Variants in HDAC8 observed in about 807,000 individuals in gnomAD.
HDAC8 encodes histone deacetylase 8.
Under a neutral mutation model 32.2 loss-of-function variants are expected in HDAC8, and 1 was observed. That is an observed-to-expected ratio of 0.03 (90% confidence interval 0.01 to 0.15). HDAC8 has a LOEUF of 0.15. Among genes scored for constraint, HDAC8 ranks in the 10% least tolerant of loss-of-function variants. The pLI, the probability that HDAC8 is intolerant of heterozygous loss-of-function variation, is 1.00. For synonymous variants in HDAC8, 108 were observed against 113.9 expected (o/e 0.95, Z 0.33); for missense variants, 117 against 300.0 (o/e 0.39, Z 4.51).
chrX:72,536,769 C>T (rs1418427386), intron 4 of HDAC8, among the ~76,000 whole-genome samples: 1 of 111,836 alleles, frequency 8.9e-6, no homozygotes, highest in African/African-American at 3.3e-5. Context: ...CTCTGGTACA[C>T]CTACACTTGC....
chrX:72,382,644 G>T lies in HDAC8; in HGVS notation c.1006-30806C>A, dbSNP rs782605212. Among the ~76,000 whole-genome samples the T allele has an allele frequency of 6.2e-5, 7 of 112,302 alleles. No homozygotes were observed. In the South Asian group the frequency reaches 2.6e-3, roughly 41 times the overall value. On this transcript the variant is annotated intron_variant, in intron 9 of 10. Transcript: ENST00000373573. Reference sequence around the variant, plus strand: ...TAAATGAAAGAAGCCAGTGATAAAAGACCACATATTGCAGGATTCCATTCA... The same window carrying T: ...TAAATGAAAGAAGCCAGTGATAAAATACCACATATTGCAGGATTCCATTCA...
chrX:72,424,326 G>C (rs2046570877), intron 9 of HDAC8, among the ~76,000 whole-genome samples: 1 of 111,295 alleles, frequency 9.0e-6, no homozygotes, highest in African/African-American at 3.3e-5. Flanking sequence ...TGGGCAACCA[G>C]TGGGCCCTGT....
intron 4 of HDAC8, among the ~76,000 whole-genome samples, chrX:72,505,848 G>A (rs60840457): frequency 0.015 from 1,664 of 111,236 alleles, 26 homozygotes; most frequent in African/African-American, 0.04. Flanking sequence ...GCACCTACTT[G>A]TAAATCAAAC....
intron 4 of HDAC8, among the ~76,000 whole-genome samples, chrX:72,527,772 C>CTTT (rs1157041190): frequency 2.2e-5 from 2 of 89,528 alleles, no homozygotes; most frequent in Non-Finnish European, 4.5e-5. Flanking sequence ...TTTCTGACCT[C>CTTT]TTTTTTTTTT....
At chrX:72,463,847 A>T (rs1298053414) in intron 8 of HDAC8, among the ~76,000 whole-genome samples, 5 of 112,059 alleles carry the variant, frequency 4.5e-5, no homozygotes, top group African/African-American at 1.6e-4. Flanking sequence ...TTATTTTAAC[A>T]CACCAATCTA....
intron 4 of HDAC8, among the ~76,000 whole-genome samples, chrX:72,550,466 TC>T (rs1485906205): frequency 9.0e-6 from 1 of 110,785 alleles, no homozygotes; most frequent in East Asian, 2.8e-4. Flanking sequence ...ATGTTCACAG[TC>T]ATTCTACTCT....
chrX:72,517,437 A>G (rs893730569), intron 4 of HDAC8, among the ~76,000 whole-genome samples: 2 of 111,141 alleles, frequency 1.8e-5, no homozygotes, highest in Non-Finnish European at 3.8e-5. Flanking sequence ...TTTAGTTTTG[A>G]TGGTCAATTT....
chrX:72,511,745 ACAC>A (rs1410494748), intron 4 of HDAC8, among the ~76,000 whole-genome samples: 1 of 112,172 alleles, frequency 8.9e-6, no homozygotes, highest in Non-Finnish European at 1.9e-5. Context: ...AATTTTTGAC[ACAC>A]AACAAAAACA....
At chrX:72,545,108 G>A (rs2050820992) in intron 4 of HDAC8, among the ~76,000 whole-genome samples, 1 of 111,967 alleles carries the variant, frequency 8.9e-6, no homozygotes, top group African/African-American at 3.2e-5. Context: ...TCTCTGTGTT[G>A]TTTTGGGTGG....
intron 9 of HDAC8, among the ~76,000 whole-genome samples, chrX:72,453,464 TAAAGAAAG>T (rs61443640): frequency 0.018 from 1,240 of 67,233 alleles, 17 homozygotes; most frequent in South Asian, 0.044. Context: ...CTCTTAAAAA[TAAAGAAAG>T]AAAGAAAGAA....
At chrX:72,443,784 G>T (rs1453438805) in intron 9 of HDAC8, among the ~76,000 whole-genome samples, 2 of 108,188 alleles carry the variant, frequency 1.8e-5, no homozygotes, top group Admixed American at 2.0e-4. Flanking sequence ...TTGATAGACC[G>T]CTAGCAAGAC....
chrX:72,385,700 C>G (rs1160111507), intron 9 of HDAC8, among the ~76,000 whole-genome samples: 1 of 111,437 alleles, frequency 9.0e-6, no homozygotes, highest in Non-Finnish European at 1.9e-5. Flanking sequence ...TGCTCAGTAG[C>G]CTACCTTAAA....
intron 9 of HDAC8, among the ~76,000 whole-genome samples, chrX:72,378,166 C>T (rs1399254265): frequency 1.8e-5 from 2 of 110,639 alleles, no homozygotes; most frequent in African/African-American, 3.3e-5. Flanking sequence ...TGTTCATCCC[C>T]ACCAAAACTC....
In HDAC8 at chrX:72,424,654, C is replaced by T. The variant is rs782256947; in HGVS notation, c.1005+37350G>A. On this transcript the variant is annotated intron_variant, in intron 9 of 10. Transcript: ENST00000373573. The stretch of plus-strand genomic sequence containing the variant: ...ACTGCACAACCATTACCGTTATCCA[C>T]TTCCAGAACTTTTTCATGATCTCAA... Among the ~76,000 whole-genome samples the T allele has an allele frequency of 5.4e-5, 6 of 111,760 alleles. No individual in the cohort carries two copies. In the East Asian group the frequency reaches 1.7e-3, roughly 31 times the overall value.
intron 7 of HDAC8, among the ~76,000 whole-genome samples, chrX:72,486,759 G>A (rs962807828): frequency 3.1e-4 from 35 of 111,473 alleles, no homozygotes; most frequent in African/African-American, 1.0e-3. Flanking sequence ...CCAAAATTTC[G>A]TTTTAAGGAC....
chrX:72,534,598 T>C (rs2050461920), intron 4 of HDAC8, among the ~76,000 whole-genome samples: 1 of 111,538 alleles, frequency 9.0e-6, no homozygotes, highest in African/African-American at 3.3e-5. Context: ...CATAAGCCAT[T>C]GCATCCGGCC....
chrX:72,494,800 A>G (rs2048972624), intron 5 of HDAC8, among the ~76,000 whole-genome samples: 2 of 111,960 alleles, frequency 1.8e-5, no homozygotes, highest in African/African-American at 3.2e-5. Flanking sequence ...AAAAGCATCA[A>G]TGAAAAGAGA....
At chrX:72,450,205 T>A (rs923889386) in intron 9 of HDAC8, among the ~76,000 whole-genome samples, 5 of 111,810 alleles carry the variant, frequency 4.5e-5, no homozygotes, top group Non-Finnish European at 7.5e-5. Context: ...AATGAAAAAG[T>A]CATAGAGATG....
chrX:72,412,140 G>T (rs782022932), intron 9 of HDAC8, among the ~76,000 whole-genome samples: 7 of 111,899 alleles, frequency 6.3e-5, no homozygotes, highest in African/African-American at 2.3e-4. Flanking sequence ...AATGAAATAA[G>T]AGCACAGACA....
Sources: allele counts gnomAD v4.1 joint callset (sites outside exome capture counted in the v4.1 genomes callset), GRCh38; gene constraint gnomAD v4.1.1; transcripts MANE v1.5; gene names NCBI Gene and HGNC (gene_info 2026-07-23, HGNC 2026-07-21).